DRC7: variants seen among roughly 807,000 people sequenced by gnomAD.
DRC7 encodes the protein dynein regulatory complex subunit 7.
DRC7 carries 80 observed loss-of-function variants against 104.4 expected under a neutral mutation model. That is an observed-to-expected ratio of 0.77 (90% CI 0.64 to 0.92). The LOEUF (loss-of-function observed/expected upper bound fraction) is 0.92. Ranked by LOEUF, DRC7 falls within the 40% of genes least tolerant of loss-of-function variation. The pLI is 0.00. For missense variants in DRC7, 1,034 were observed against 1,141.1 expected (o/e 0.91, Z 1.35); for synonymous variants, 405 against 447.3 (o/e 0.91, Z 1.19).
chr16:57,727,376 G>T lies in DRC7; in HGVS notation c.2163G>T (p.Arg721=). The change falls in exon 16 of 19, where the codon CGG becomes CGT. Residue 721 remains arginine (R), a synonymous_variant. Coordinates refer to ENST00000360716, the MANE Select transcript of DRC7 (RefSeq NM_001289162.2). ...CCATCTCCATCTATGACACCAAGCG[G>T]AATGAGAAGAGCAAGGAATATCGGG... is the stretch of plus-strand genomic sequence containing the variant. ...TLTISIYDTK[R]NEKSKEYREA... 6.2e-7 allele frequency: 1 copy of T among 1,613,414 alleles called. No individual in the cohort carries two copies. The highest frequency in any genetic ancestry group is 8.5e-7 in the Non-Finnish European group (1 of 1,179,848).
chr16:57,718,921 C>T (rs1462724784), intron 9 of DRC7, among the ~76,000 whole-genome samples: 6 of 151,880 alleles, frequency 4.0e-5, no homozygotes, highest in African/African-American at 9.7e-5. Flanking sequence ...ACTGGGAGGC[C>T]GAAGCTGCAG....
Position 57,704,910 on chromosome 16 carries a change from A to C in DRC7, c.734A>C (p.Lys245Thr), listed in dbSNP as rs1329802068. 1 of 1,613,748 alleles carries C rather than the reference A, an allele frequency of 6.2e-7. No homozygotes were observed. The highest frequency in any genetic ancestry group is 2.2e-5 in the East Asian group (1 of 44,874). ...IKKEEKVLPK[K>T]YTIKPPRDLC... ...AAGGAGGAAAAGGTGCTGCCTAAGA[A>C]GTATACCATCAAACCCCCCAGGGAC... Residue 245 changes from lysine (K) to threonine (T), a missense_variant, in exon 7 of 19, where the codon AAG becomes ACG. Transcript: ENST00000360716.
intron 9 of DRC7, among the ~76,000 whole-genome samples, 186 bp from the exon 10 acceptor site, chr16:57,721,481 G>T (rs1197947719): frequency 6.6e-6 from 1 of 152,078 alleles, no homozygotes; most frequent in Admixed American, 6.5e-5. Flanking sequence ...ATAGGGAAGG[G>T]CTCCCTGCCC....
At chr16:57,714,006 TG>T in intron 8 of DRC7, 1 of 204,956 alleles carries the variant, frequency 4.9e-6, no homozygotes, top group Non-Finnish European at 1.0e-5. Flanking sequence ...TGGGAGTCCA[TG>T]GTCAAGTTTT....
chr16:57,727,405 C>T lies in DRC7; in HGVS notation c.2192C>T (p.Ala731Val), dbSNP rs761571993. The change falls in exon 16 of 19, where the codon GCC becomes GTC. Residue 731 changes from alanine to valine, a missense_variant. Ala to Val is a moderately conservative substitution (Grantham distance 64, BLOSUM62 0). Coordinates refer to ENST00000360716, the MANE Select transcript of DRC7 (RefSeq NM_001289162.2). ...RNEKSKEYREAMERMMHEEHL... is the reference protein window; with the variant it reads ...RNEKSKEYREVMERMMHEEHL... ...GAGAAGAGCAAGGAATATCGGGAGG[C>T]CATGGTCAGTCCCAATCCCTTCTCC... 9 of 1,610,878 alleles carry T rather than the reference C, an allele frequency of 5.6e-6. No individual in the cohort carries two copies. In the East Asian group the frequency reaches 2.0e-4, roughly 36 times the overall value.
intron 6 of DRC7, 101 bp from the exon 7 acceptor site, chr16:57,704,775 C>G (rs2048694016): frequency 7.1e-7 from 1 of 1,399,982 alleles, no homozygotes; most frequent in Admixed American, 2.1e-5. Context: ...GCTGCCATCC[C>G]CCGGTCTGAG....
At chr16:57,730,346 C>T (rs950130168) in intron 17 of DRC7, among the ~76,000 whole-genome samples, 3 of 141,504 alleles carry the variant, frequency 2.1e-5, no homozygotes, top group Non-Finnish European at 4.6e-5. Flanking sequence ...GATAGATGGA[C>T]GGTTGGATGG....
At position 57,718,422 on chromosome 16, in the gene DRC7, T is replaced by C. The variant is rs150162115; in HGVS notation, c.1153T>C (p.Leu385=). The change falls in exon 9 of 19, where the codon TTG becomes CTG. Residue 385 remains leucine, a synonymous_variant. Transcript: ENST00000360716. ...GGGGACTGATAAGTCTCAGCTGTCC[T>C]TGACTGAAGAAGACGACAGTGGGAT... ...LLGTDKSQLS[L]TEEDDSGIND... The C allele has an allele frequency of 5.6e-6, 9 of 1,614,024 alleles. No homozygotes were observed. In the African/African-American group the frequency reaches 1.1e-4, roughly 19 times the overall value.
chr16:57,718,153 C>T (rs757640865), intron 8 of DRC7, among the ~76,000 whole-genome samples, 194 bp from the exon 9 acceptor site: 9 of 152,342 alleles, frequency 5.9e-5, no homozygotes, highest in Non-Finnish European at 1.2e-4. Flanking sequence ...CCCTCGGGGC[C>T]TCAGTTTCCC....
rs201527035 is a variant in DRC7, at chr16:57,728,470, G to A, written c.2277G>A (p.Pro759=). ...TGGCCCCATTCCTGGCCCAGCTCCC[G>A]CCAGGAGAGAAACTAACATGCTGGC... ...DYLAPFLAQL[P]PGEKLTCWQA... Residue 759 remains proline, a synonymous_variant, in exon 17 of 19, where the codon CCG becomes CCA. Transcript: ENST00000360716. 30 of 1,612,316 alleles carry A rather than the reference G, an allele frequency of 1.9e-5. 1 individual carries two copies. In the East Asian group the frequency reaches 3.3e-4, roughly 18 times the overall value.
intron 17 of DRC7, among the ~76,000 whole-genome samples, chr16:57,729,877 G>A (rs539663887): frequency 2.9e-5 from 4 of 136,370 alleles, no homozygotes; most frequent in African/African-American, 1.1e-4. Flanking sequence ...TGGATGGATG[G>A]ATGAATGGAT....
rs757937565 is a variant in DRC7 at position 57,726,873 on chromosome 16, C to T, written c.2016C>T (p.Tyr672=). The change falls in exon 15 of 19, where the codon TAC becomes TAT. Residue 672 remains tyrosine, a synonymous_variant. Coordinates refer to ENST00000360716, the MANE Select transcript of DRC7 (RefSeq NM_001289162.2). ...ACACCAAGAAGCTGCTCTACCAGTA[C>T]GAGGCCATGATGCACCTGAAGAGGG... ...MEHTKKLLYQ[Y]EAMMHLKREE... is the part of the protein sequence containing the mutation. 4.5e-5 allele frequency: 72 copies of T among 1,613,000 alleles called. No homozygotes were observed. In the Middle Eastern group the frequency reaches 4.9e-4, roughly 11 times the overall value.
At chr16:57,723,515 C>T (rs763967143) in intron 12 of DRC7, among the ~76,000 whole-genome samples, 46 of 152,140 alleles carry the variant, frequency 3.0e-4, no homozygotes, top group Middle Eastern at 6.8e-3. Flanking sequence ...GGCAGTTGAG[C>T]CCAGGGGTTC....
intron 4 of DRC7, among the ~76,000 whole-genome samples, chr16:57,699,685 G>A (rs1209635101): frequency 6.6e-6 from 1 of 152,122 alleles, no homozygotes. Context: ...TAGGCCCCAG[G>A]GAGAGCATCG....
At chr16:57,713,090 T>G (rs2048805666) in intron 8 of DRC7, among the ~76,000 whole-genome samples, 1 of 152,266 alleles carries the variant, frequency 6.6e-6, no homozygotes, top group Non-Finnish European at 1.5e-5. Context: ...TGGTATGACT[T>G]CTATTATTTT....
intron 17 of DRC7, among the ~76,000 whole-genome samples, chr16:57,729,853 GATGGATGGGTGGATGGATGGATGGATGA>G (rs2049034515): frequency 7.0e-6 from 1 of 142,174 alleles, no homozygotes; most frequent in Non-Finnish European, 1.5e-5. Context: ...TGGACGAATG[GATGGATGGGTGGATGGATGGATGGATGA>G]ATGGATGGGT....
intron 5 of DRC7, chr16:57,701,647 T>A: frequency 3.1e-6 from 1 of 323,416 alleles, no homozygotes; most frequent in Non-Finnish European, 5.7e-6. Context: ...ACAGTAAACT[T>A]ACCAGTCAGA....
At chr16:57,710,908 T>C (rs1236660307) in intron 8 of DRC7, among the ~76,000 whole-genome samples, 1 of 152,238 alleles carries the variant, frequency 6.6e-6, no homozygotes, top group East Asian at 1.9e-4. Flanking sequence ...TTAGAATTTC[T>C]GTATCTTTGT....
chr16:57,715,232 T>C (rs1414061936), intron 8 of DRC7, among the ~76,000 whole-genome samples: 2 of 152,120 alleles, frequency 1.3e-5, no homozygotes, highest in African/African-American at 4.8e-5. Flanking sequence ...GTATTTTTAG[T>C]AGAGACAGGG....
Sources: allele counts gnomAD v4.1 joint callset (sites outside exome capture counted in the v4.1 genomes callset), GRCh38; gene constraint gnomAD v4.1.1; transcripts MANE v1.5; gene names NCBI Gene and HGNC (gene_info 2026-07-23, HGNC 2026-07-21).